Variants in LRFN5 observed in about 807,000 individuals in gnomAD.
LRFN5 encodes the protein leucine-rich repeat and fibronectin type-III domain-containing protein 5.
Under a neutral mutation model 45.6 loss-of-function variants are expected in LRFN5, and 24 were observed. The ratio of observed to expected loss-of-function variants is 0.53; its 90% CI spans 0.38 to 0.74. The LOEUF (loss-of-function observed/expected upper bound fraction) is 0.74, where lower values mean the gene tolerates loss of function less well. Ranked by LOEUF, LRFN5 falls within the 30% of genes least tolerant of loss-of-function variation. LRFN5 has a pLI of 0.00. For synonymous variants in LRFN5, 340 were observed against 313.8 expected (o/e 1.08, Z -0.88); for missense variants, 776 against 861.5 (o/e 0.90, Z 1.24).
At chr14:41,723,304 C>G (rs924117732) in intron 1 of LRFN5, among the ~76,000 whole-genome samples, 1 of 152,052 alleles carries the variant, frequency 6.6e-6, no homozygotes. Flanking sequence ...GCTTAGAATG[C>G]CTGGAAGTCT....
At chr14:41,748,248 A>C (rs1884998818) in intron 1 of LRFN5, among the ~76,000 whole-genome samples, 1 of 152,132 alleles carries the variant, frequency 6.6e-6, no homozygotes, top group African/African-American at 2.4e-5. Flanking sequence ...TATTAGTCAC[A>C]AAGCTAAAAG....
At chr14:41,726,438 C>A (rs1358206164) in intron 1 of LRFN5, among the ~76,000 whole-genome samples, 1 of 152,064 alleles carries the variant, frequency 6.6e-6, no homozygotes. Flanking sequence ...GGAAGTAACA[C>A]CCATGCATCC....
In LRFN5 at chr14:41,676,966, T is replaced by G. The variant is rs141350280; in HGVS notation, c.-197+68404T>G. ...ATGTGGGACCAGAAAATGAAAACTT[T>G]CTGATATGTGCTATCAGCCTGCACA... is the stretch of plus-strand genomic sequence containing the variant. On this transcript the variant is annotated intron_variant, in intron 1 of 5. Coordinates refer to ENST00000298119, the MANE Select transcript of LRFN5 (RefSeq NM_152447.5). Among the ~76,000 whole-genome samples the G allele has an allele frequency of 2.2e-3, 332 of 152,282 alleles. 2 individuals carry two copies. Among genetic ancestry groups the G allele is most frequent in the Middle Eastern group, 0.014 (4 of 294 alleles).
At chr14:41,898,845 A>G in intron 4 of LRFN5, 72 bp from the exon 5 acceptor site, 1 of 1,361,936 alleles carries the variant, frequency 7.3e-7, no homozygotes, top group South Asian at 1.2e-5. Context: ...CCAAGATTTC[A>G]GTAAGAGGTT....
At chr14:41,886,199 C>T (rs1853558454) in intron 2 of LRFN5, among the ~76,000 whole-genome samples, 1 of 152,122 alleles carries the variant, frequency 6.6e-6, no homozygotes, top group African/African-American at 2.4e-5. Context: ...TTCAAATATG[C>T]CTCTAATTTT....
At chr14:41,744,831 A>G (rs922672009) in intron 1 of LRFN5, among the ~76,000 whole-genome samples, 2 of 152,198 alleles carry the variant, frequency 1.3e-5, no homozygotes, top group African/African-American at 4.8e-5. Context: ...GAGCAAGAGT[A>G]ATAGAGAAAG....
At chr14:41,660,259 C>T (rs1025616885) in intron 1 of LRFN5, among the ~76,000 whole-genome samples, 2 of 152,068 alleles carry the variant, frequency 1.3e-5, no homozygotes, top group East Asian at 3.9e-4. Context: ...CTCTTGACCT[C>T]AGGTTATCCA....
At chr14:41,656,203 G>T (rs970383103) in intron 1 of LRFN5, among the ~76,000 whole-genome samples, 6 of 151,846 alleles carry the variant, frequency 4.0e-5, no homozygotes, top group African/African-American at 1.4e-4. Flanking sequence ...TGAGGATAAT[G>T]ATATTTACCT....
At chr14:41,640,497 C>G (rs1464939798) in intron 1 of LRFN5, among the ~76,000 whole-genome samples, 1 of 151,990 alleles carries the variant, frequency 6.6e-6, no homozygotes, top group Non-Finnish European at 1.5e-5. Flanking sequence ...CTTTTTATAT[C>G]AGATTGTACT....
chr14:41,778,111 T>C (rs1202120079), intron 2 of LRFN5, among the ~76,000 whole-genome samples: 1 of 151,596 alleles, frequency 6.6e-6, no homozygotes, highest in African/African-American at 2.4e-5. Context: ...ATGTCCCTTC[T>C]CAGCTCTTTT....
intron 1 of LRFN5, among the ~76,000 whole-genome samples, chr14:41,739,040 A>G (rs1192896203): frequency 6.6e-6 from 1 of 152,164 alleles, no homozygotes; most frequent in Admixed American, 6.5e-5. Context: ...AGAAGAATGA[A>G]TTTATATTGA....
chr14:41,825,843 G>A (rs1026164186), intron 2 of LRFN5, among the ~76,000 whole-genome samples: 13 of 152,136 alleles, frequency 8.5e-5, no homozygotes, highest in Non-Finnish European at 1.6e-4. Context: ...GGGTTTATGA[G>A]GGCAGAGGAG....
chr14:41,763,528 T>C (rs906665411), intron 1 of LRFN5, among the ~76,000 whole-genome samples: 2 of 152,220 alleles, frequency 1.3e-5, no homozygotes, highest in African/African-American at 4.8e-5. Flanking sequence ...AAATCTCATC[T>C]TGAATTGTAG....
At chr14:41,668,399 TC>T (rs1881006803) in intron 1 of LRFN5, among the ~76,000 whole-genome samples, 1 of 152,164 alleles carries the variant, frequency 6.6e-6, no homozygotes, top group Non-Finnish European at 1.5e-5. Context: ...TCAATTTTTA[TC>T]CCAAGCTCCC....
intron 1 of LRFN5, among the ~76,000 whole-genome samples, chr14:41,752,733 G>A (rs1885192044): frequency 6.6e-6 from 1 of 152,032 alleles, no homozygotes. Flanking sequence ...CACTCTGATG[G>A]TAGTTTCTTT....
At chr14:41,854,934 T>C (rs991709627) in intron 2 of LRFN5, among the ~76,000 whole-genome samples, 2 of 152,204 alleles carry the variant, frequency 1.3e-5, no homozygotes, top group Non-Finnish European at 2.9e-5. Context: ...ATGAGTCATC[T>C]GTTGGCAAGG....
intron 1 of LRFN5, among the ~76,000 whole-genome samples, chr14:41,662,401 A>AT (rs1167291218): frequency 2.0e-5 from 3 of 152,032 alleles, no homozygotes; most frequent in Non-Finnish European, 4.4e-5. Context: ...ATAAGAGATT[A>AT]TTTTGTACCC....
chr14:41,863,758 C>T (rs1246795534), intron 2 of LRFN5, among the ~76,000 whole-genome samples: 1 of 152,144 alleles, frequency 6.6e-6, no homozygotes, highest in Non-Finnish European at 1.5e-5. Flanking sequence ...TAGGTATACA[C>T]GTCGCATTGT....
chr14:41,833,253 C>T (rs546143714), intron 2 of LRFN5, among the ~76,000 whole-genome samples: 4 of 152,212 alleles, frequency 2.6e-5, no homozygotes, highest in South Asian at 2.1e-4. Context: ...AAATGATTAG[C>T]GATCCGCAGG....
Sources: gnomAD v4.1 joint callset for allele counts (sites outside exome capture counted in the v4.1 genomes callset) on GRCh38, gnomAD v4.1.1 for gene constraint, MANE v1.5 for transcripts, NCBI Gene and HGNC (gene_info 2026-07-23, HGNC 2026-07-21) for gene names.